TMEFF1: variants seen among roughly 807,000 people sequenced by gnomAD.
TMEFF1 encodes the protein transmembrane protein with EGF like and two follistatin like domains 1.
A neutral mutation model predicts 47.5 loss-of-function variants in TMEFF1; 20 were observed. The observed-to-expected ratio is 0.42, with a 90% CI of 0.30 to 0.61. The LOEUF (loss-of-function observed/expected upper bound fraction) is 0.61, where lower values mean the gene tolerates loss of function less well. TMEFF1 is among the 20% of genes least tolerant of loss of function. The pLI, the probability that TMEFF1 is intolerant of heterozygous loss-of-function variation, is 0.19. For synonymous variants in TMEFF1, 162 were observed against 166.3 expected, an observed-to-expected ratio of 0.97 and a Z score of 0.20; for missense variants, 411 against 471.1, an observed-to-expected ratio of 0.87 and a Z score of 1.18.
intron 7 of TMEFF1, among the ~76,000 whole-genome samples, chr9:100,559,614 T>G (rs963030147): frequency 5.9e-5 from 9 of 151,730 alleles, no homozygotes; most frequent in African/African-American, 2.2e-4. Context: ...TGATTAAAAT[T>G]AATTTACTTG....
chr9:100,511,486 C>G (rs1186730535), intron 3 of TMEFF1, among the ~76,000 whole-genome samples: 1 of 152,148 alleles, frequency 6.6e-6, no homozygotes, highest in African/African-American at 2.4e-5. Flanking sequence ...ATTGAATGAG[C>G]AAAGTTATAA....
intron 2 of TMEFF1, among the ~76,000 whole-genome samples, chr9:100,505,028 T>A (rs980402812): frequency 1.3e-5 from 2 of 152,254 alleles, no homozygotes; most frequent in South Asian, 2.1e-4. Context: ...AAATAAATAT[T>A]TCAGAATGTA....
At chr9:100,508,225 A>G (rs1837896686) in intron 2 of TMEFF1, among the ~76,000 whole-genome samples, 1 of 152,130 alleles carries the variant, frequency 6.6e-6, no homozygotes, top group Admixed American at 6.5e-5. Context: ...TATTGTTATA[A>G]CATTTTCCCC....
intron 1 of TMEFF1, among the ~76,000 whole-genome samples, chr9:100,475,945 AAGGGGACTGATCT>A (rs1404860803): frequency 2.0e-5 from 3 of 152,032 alleles, no homozygotes; most frequent in Non-Finnish European, 4.4e-5. Context: ...GTGTGGGAAA[AAGGGGACTGATCT>A]AGGGGTCATG....
chr9:100,536,684 T>C (rs563956818), intron 5 of TMEFF1, among the ~76,000 whole-genome samples: 1 of 152,308 alleles, frequency 6.6e-6, no homozygotes, highest in Non-Finnish European at 1.5e-5. Context: ...ATCTAACCTC[T>C]TTTTCTTTTT....
intron 8 of TMEFF1, among the ~76,000 whole-genome samples, chr9:100,563,907 T>C (rs1839070173): frequency 6.6e-6 from 1 of 152,232 alleles, no homozygotes; most frequent in African/African-American, 2.4e-5. Context: ...TCTTTTTCTT[T>C]TGTCTGAGTC....
chr9:100,538,779 G>C (rs1419650295), intron 5 of TMEFF1, among the ~76,000 whole-genome samples: 2 of 152,074 alleles, frequency 1.3e-5, no homozygotes, highest in Admixed American at 6.5e-5. Context: ...GAATTTGATT[G>C]TTTGCCTGTA....
intron 7 of TMEFF1, among the ~76,000 whole-genome samples, chr9:100,556,840 A>G (rs1838924321): frequency 6.6e-6 from 1 of 151,986 alleles, no homozygotes; most frequent in Non-Finnish European, 1.5e-5. Context: ...AGTTTGGATT[A>G]TGTACTAACC....
intron 2 of TMEFF1, among the ~76,000 whole-genome samples, chr9:100,501,482 C>T (rs949214216): frequency 2.6e-5 from 4 of 151,288 alleles, no homozygotes; most frequent in Admixed American, 2.0e-4. Context: ...TTTTCTTTTT[C>T]CCTCATGTTG....
At chr9:100,485,678 T>A (rs1294120224) in intron 1 of TMEFF1, among the ~76,000 whole-genome samples, 1 of 151,968 alleles carries the variant, frequency 6.6e-6, no homozygotes, top group Non-Finnish European at 1.5e-5. Context: ...CTTCATTTTT[T>A]ACATTGTTAG....
At chr9:100,561,605 A>T in intron 8 of TMEFF1, 85 bp downstream of exon 8, 2 of 1,409,852 alleles carry the variant, frequency 1.4e-6, no homozygotes, top group Non-Finnish European at 1.9e-6. Context: ...ATGTAGACTA[A>T]ATATTACCAG....
chr9:100,474,630 G>A (rs547410438), intron 1 of TMEFF1, among the ~76,000 whole-genome samples: 1 of 152,144 alleles, frequency 6.6e-6, no homozygotes, highest in Admixed American at 6.5e-5. Flanking sequence ...CTCAGGGAAT[G>A]CCCTTGTGTA....
chr9:100,477,949 T>C (rs970148862), intron 1 of TMEFF1, among the ~76,000 whole-genome samples: 1 of 152,164 alleles, frequency 6.6e-6, no homozygotes, highest in Non-Finnish European at 1.5e-5. Context: ...TTTTTGAAAT[T>C]TGAGCATGTG....
At chr9:100,519,804 T>C (rs1247968170) in intron 5 of TMEFF1, among the ~76,000 whole-genome samples, 1 of 152,080 alleles carries the variant, frequency 6.6e-6, no homozygotes, top group Admixed American at 6.6e-5. Context: ...CATCTAGAAA[T>C]CAAATGCCTA....
intron 7 of TMEFF1, among the ~76,000 whole-genome samples, chr9:100,558,670 AT>A (rs1191198877): frequency 6.6e-6 from 1 of 151,904 alleles, no homozygotes; most frequent in African/African-American, 2.4e-5. Flanking sequence ...TTGGATAATA[AT>A]TTTGTCAATG....
rs754830275 is a variant in TMEFF1, at chr9:100,473,554, G to A, written c.10G>A (p.Ala4Thr). MGA[A>T]AAEAPLRLPA... ...TCCAGGGGCACCAGTCATGGGCGCC[G>A]CAGCCGCTGAGGCGCCGCTCCGGCT... The change falls in exon 1 of 10, where the codon GCA becomes ACA. Residue 4 changes from alanine to threonine, a missense_variant. Coordinates refer to ENST00000374879, the MANE Select transcript of TMEFF1 (RefSeq NM_003692.5). The surrounding 1 kb of genome is among the most constrained non-coding windows in gnomAD (Gnocchi z 5.4). 10 of 1,523,124 alleles carry A rather than the reference G, an allele frequency of 6.6e-6. No homozygotes were observed. The South Asian group carries it at 1.1e-4, about 17-fold the overall frequency. The allele number at this position is 1,523,124 out of a possible 1,614,324, so 94.4% of individuals were successfully genotyped here.
At chr9:100,504,419 G>T (rs1240344979) in intron 2 of TMEFF1, among the ~76,000 whole-genome samples, 1 of 152,162 alleles carries the variant, frequency 6.6e-6, no homozygotes, top group East Asian at 1.9e-4. Context: ...GTGACAGATG[G>T]CAATACACCA....
At chr9:100,573,527 C>G (rs769019745) in intron 9 of TMEFF1, among the ~76,000 whole-genome samples, 16 of 152,278 alleles carry the variant, frequency 1.1e-4, no homozygotes, top group Middle Eastern at 3.4e-3. Flanking sequence ...GCTTCCCAGT[C>G]TAATGCTTTT....
chr9:100,564,508 G>C (rs1017469956), intron 8 of TMEFF1, among the ~76,000 whole-genome samples: 6 of 152,192 alleles, frequency 3.9e-5, no homozygotes, highest in Non-Finnish European at 8.8e-5. Flanking sequence ...CCTGGTGAAA[G>C]AGACCGACAA....
Sources: gnomAD v4.1 joint callset for allele counts (sites outside exome capture counted in the v4.1 genomes callset) on GRCh38, gnomAD v4.1.1 for gene constraint, Gnocchi (gnomAD v3.1) non-coding constraint, MANE v1.5 for transcripts, NCBI Gene and HGNC (gene_info 2026-07-23, HGNC 2026-07-21) for gene names.